FAM168A: variants seen among roughly 807,000 people sequenced by gnomAD.
FAM168A encodes the protein protein FAM168A.
In FAM168A, 3 loss-of-function variants were observed where a neutral mutation model predicts 28.5. The ratio of observed to expected loss-of-function variants is 0.11; its 90% CI spans 0.05 to 0.27. The LOEUF is 0.27. Ranked by LOEUF, FAM168A falls within the 10% of genes least tolerant of loss-of-function variation. The pLI is 1.00. For synonymous variants in FAM168A, 122 were observed against 124.2 expected (o/e 0.98, Z 0.12); for missense variants, 222 against 311.5 (o/e 0.71, Z 2.16).
At chr11:73,428,195 C>T (rs1278971100) in intron 3 of FAM168A, among the ~76,000 whole-genome samples, 2 of 152,144 alleles carry the variant, frequency 1.3e-5, no homozygotes, top group Non-Finnish European at 2.9e-5. Flanking sequence ...ACCCCTACAG[C>T]AGCCTCTGTG....
intron 2 of FAM168A, among the ~76,000 whole-genome samples, chr11:73,455,560 T>C (rs1867515895): frequency 6.6e-6 from 1 of 152,256 alleles, no homozygotes; most frequent in Admixed American, 6.5e-5. Flanking sequence ...TTCTGTCTTC[T>C]TATACTTCTG....
chr11:73,461,027 A>G (rs987728746), intron 2 of FAM168A, among the ~76,000 whole-genome samples: 1 of 152,188 alleles, frequency 6.6e-6, no homozygotes, highest in Non-Finnish European at 1.5e-5. Flanking sequence ...CTGTCCATCC[A>G]TTTGTTGAAA....
chr11:73,426,333 C>A (rs1272359438), intron 3 of FAM168A, among the ~76,000 whole-genome samples: 1 of 152,112 alleles, frequency 6.6e-6, no homozygotes, highest in Non-Finnish European at 1.5e-5. Flanking sequence ...CTCCAAATAC[C>A]CACATTGCTT....
At chr11:73,537,311 A>G (rs913732416) in intron 1 of FAM168A, among the ~76,000 whole-genome samples, 8 of 152,196 alleles carry the variant, frequency 5.3e-5, no homozygotes, top group Admixed American at 3.9e-4. Flanking sequence ...CTGTAATCTT[A>G]GCAATTTGGG....
chr11:73,523,085 A>G (rs779195191), intron 1 of FAM168A, among the ~76,000 whole-genome samples: 17 of 152,058 alleles, frequency 1.1e-4, no homozygotes, highest in Non-Finnish European at 8.8e-5. Flanking sequence ...CCACAGGTTT[A>G]CTCATGTGAA....
intron 3 of FAM168A, among the ~76,000 whole-genome samples, chr11:73,427,086 G>T (rs941723151): frequency 6.6e-6 from 1 of 152,056 alleles, no homozygotes; most frequent in Non-Finnish European, 1.5e-5. Context: ...CCGCCTCCCG[G>T]GTTCAAGCAA....
At chr11:73,413,461 T>G (rs1264238513) in intron 4 of FAM168A, among the ~76,000 whole-genome samples, 1 of 152,174 alleles carries the variant, frequency 6.6e-6, no homozygotes, top group Non-Finnish European at 1.5e-5. Context: ...GAGCTAATGA[T>G]GAAATGTGGT....
At chr11:73,490,364 C>G (rs1049888772) in intron 1 of FAM168A, among the ~76,000 whole-genome samples, 5 of 152,172 alleles carry the variant, frequency 3.3e-5, no homozygotes, top group African/African-American at 1.2e-4. Context: ...TCTCTGAAAA[C>G]ATAAGTTAAA....
rs1210107573 is a variant in FAM168A at position 73,559,864 on chromosome 11, T to C, written c.-19+38059A>G. ...CACAAACTTCCCAAAAATTGTTTTG[T>C]TATCTTTCTTCTTCCCATTGCCAAG... On this transcript the variant is annotated intron_variant, in intron 1 of 7. Transcript: ENST00000356467. 3.3e-5 allele frequency among the ~76,000 whole-genome samples: 5 copies of C among 152,342 alleles called. No homozygotes were observed. In the East Asian group the frequency reaches 5.8e-4, roughly 18 times the overall value.
intron 3 of FAM168A, among the ~76,000 whole-genome samples, chr11:73,420,338 A>C (rs1866770157): frequency 6.6e-6 from 1 of 152,230 alleles, no homozygotes. Flanking sequence ...CCACTTTCTC[A>C]TTAATGTGTA....
chr11:73,533,528 ATT>A (rs924437867), intron 1 of FAM168A, among the ~76,000 whole-genome samples: 1 of 151,606 alleles, frequency 6.6e-6, no homozygotes, highest in Non-Finnish European at 1.5e-5. Context: ...GGAGAACCAT[ATT>A]CTCTGTTGTG....
At chr11:73,556,306 G>A (rs1308966973) in intron 1 of FAM168A, among the ~76,000 whole-genome samples, 2 of 151,634 alleles carry the variant, frequency 1.3e-5, no homozygotes, top group African/African-American at 2.4e-5. Flanking sequence ...CTATGATCGT[G>A]CCACTGCAGT....
At chr11:73,581,330 T>C (rs542382844) in intron 1 of FAM168A, among the ~76,000 whole-genome samples, 2 of 152,298 alleles carry the variant, frequency 1.3e-5, no homozygotes, top group South Asian at 4.1e-4. Context: ...CAGTTTGGCT[T>C]GGAAAAAAAC....
chr11:73,518,162 G>A (rs1379252533), intron 1 of FAM168A, among the ~76,000 whole-genome samples: 1 of 152,144 alleles, frequency 6.6e-6, no homozygotes, highest in African/African-American at 2.4e-5. Context: ...GACTATCCAG[G>A]GATATTAGAG....
At chr11:73,497,807 C>G (rs1249130793) in intron 1 of FAM168A, among the ~76,000 whole-genome samples, 1 of 152,014 alleles carries the variant, frequency 6.6e-6, no homozygotes, top group Non-Finnish European at 1.5e-5. Flanking sequence ...ATGTAAATGA[C>G]AAGTTAATGG....
At chr11:73,526,476 CA>C (rs1393559212) in intron 1 of FAM168A, among the ~76,000 whole-genome samples, 1 of 152,106 alleles carries the variant, frequency 6.6e-6, no homozygotes, top group African/African-American at 2.4e-5. Context: ...TGAATTAAGT[CA>C]CCTCTTCTCT....
At chr11:73,576,950 AT>A (rs1301042109) in intron 1 of FAM168A, among the ~76,000 whole-genome samples, 2 of 131,896 alleles carry the variant, frequency 1.5e-5, no homozygotes, top group African/African-American at 3.6e-5. Context: ...GCCTCCCATT[AT>A]TTAAAAAAAA....
intron 3 of FAM168A, among the ~76,000 whole-genome samples, chr11:73,424,688 G>A (rs1866852795): frequency 1.3e-5 from 2 of 152,184 alleles, no homozygotes; most frequent in South Asian, 4.1e-4. Context: ...CTTCACAGAG[G>A]CTACCACAAA....
intron 1 of FAM168A, among the ~76,000 whole-genome samples, chr11:73,504,968 C>T (rs771596372): frequency 2.6e-5 from 4 of 152,020 alleles, no homozygotes; most frequent in Non-Finnish European, 5.9e-5. Context: ...AACACATGGA[C>T]ACAGAGAGGG....
Sources: allele counts gnomAD v4.1 joint callset (sites outside exome capture counted in the v4.1 genomes callset), GRCh38; gene constraint gnomAD v4.1.1; transcripts MANE v1.5; gene names NCBI Gene and HGNC (gene_info 2026-07-23, HGNC 2026-07-21).